The following SHROOM4 variants were observed in gnomAD, a reference collection of about 807,000 sequenced individuals.
The protein encoded by SHROOM4 is protein Shroom4.
Under a neutral mutation model 80.3 loss-of-function variants are expected in SHROOM4, and 17 were observed. The ratio of observed to expected loss-of-function variants is 0.21; its 90% CI spans 0.14 to 0.32. SHROOM4 has a LOEUF of 0.32. Among genes scored for constraint, SHROOM4 ranks in the 10% least tolerant of loss-of-function variants. SHROOM4 has a pLI of 1.00. For synonymous variants in SHROOM4, 400 were observed against 437.5 expected (o/e 0.91, Z 1.07); for missense variants, 993 against 1,140.3 (o/e 0.87, Z 1.86).
intron 2 of SHROOM4, among the ~76,000 whole-genome samples, chrX:50,656,639 T>C (rs1210045532): frequency 7.2e-5 from 8 of 111,515 alleles, no homozygotes; most frequent in African/African-American, 2.6e-4. Context: ...TACCATACTG[T>C]TTTGATTACT....
rs1363102006 is a variant in SHROOM4, at chrX:50,592,046, T to A, written c.*4649A>T. Reference sequence around the variant, plus strand: ...CTGTTTTCTTAATAACATTTTCGGATTGTTCATTTGATCTTGTGTTTTAAC... The same window carrying A: ...CTGTTTTCTTAATAACATTTTCGGAATGTTCATTTGATCTTGTGTTTTAAC... On this transcript the variant is annotated 3_prime_UTR_variant, in exon 9 of 9. Coordinates refer to ENST00000376020, the MANE Select transcript of SHROOM4 (RefSeq NM_020717.5). The A allele has an allele frequency of 6.1e-6, 2 of 329,530 alleles. No homozygotes were observed. The highest frequency in any genetic ancestry group is 1.2e-5 in the Non-Finnish European group (2 of 170,046). 27.2% of individuals were successfully genotyped at this position (329,530 alleles called of 1,213,427 possible). A position where few individuals can be genotyped will look rare whatever the true frequency, so the allele number is the denominator to read the frequency against.
intron 4 of SHROOM4, among the ~76,000 whole-genome samples, chrX:50,629,575 C>A (rs1263851836): frequency 8.0e-5 from 9 of 112,069 alleles, no homozygotes; most frequent in Non-Finnish European, 1.7e-4. Flanking sequence ...TAGTTACTGT[C>A]ATGTTATTCA....
At chrX:50,703,431 C>T (rs1270972904) in intron 1 of SHROOM4, among the ~76,000 whole-genome samples, 1 of 111,848 alleles carries the variant, frequency 8.9e-6, no homozygotes, top group East Asian at 2.8e-4. Flanking sequence ...AGCTGAACTT[C>T]ATCAGGCTGT....
intron 2 of SHROOM4, among the ~76,000 whole-genome samples, chrX:50,644,780 T>C (rs1429990474): frequency 1.8e-5 from 2 of 111,772 alleles, no homozygotes; most frequent in African/African-American, 6.5e-5. Context: ...TTTTATCAAC[T>C]GTATAGGGGA....
chrX:50,715,790 C>T (rs1234090359), intron 1 of SHROOM4, among the ~76,000 whole-genome samples: 2 of 108,397 alleles, frequency 1.8e-5, no homozygotes, highest in Non-Finnish European at 3.8e-5. Context: ...TTATGAAAAA[C>T]GGTATCAAGG....
chrX:50,592,952 C>CTAAA lies in SHROOM4; in HGVS notation c.*3739_*3742dup, dbSNP rs1343833016. 8.9e-6 allele frequency: 1 copy of CTAAA among 111,905 alleles called. No homozygotes were observed. The highest frequency in any genetic ancestry group is 3.3e-5 in the African/African-American group (1 of 30,722). The allele number at this position is 111,905 out of a possible 1,213,427, so 9.2% of individuals were successfully genotyped here. A position where few individuals can be genotyped will look rare whatever the true frequency, so the allele number is the denominator to read the frequency against. Reference sequence around the variant, plus strand: ...AGAGAGGAAGAAATATATCAGTGAGCTAAAGGGCAGGGCTGTGATCCTGAG... The same window carrying CTAAA: ...AGAGAGGAAGAAATATATCAGTGAGCTAAATAAAGGGCAGGGCTGTGATCCTGAG... On this transcript the variant is annotated 3_prime_UTR_variant, in exon 9 of 9. Coordinates refer to ENST00000376020, the MANE Select transcript of SHROOM4 (RefSeq NM_020717.5).
At chrX:50,654,864 G>A (rs1932244528) in intron 2 of SHROOM4, among the ~76,000 whole-genome samples, 1 of 107,137 alleles carries the variant, frequency 9.3e-6, no homozygotes, top group Non-Finnish European at 1.9e-5. Context: ...TCTGAAGTTT[G>A]GGGTATGAAT....
At chrX:50,650,486 G>A (rs1157378397) in intron 2 of SHROOM4, among the ~76,000 whole-genome samples, 1 of 110,711 alleles carries the variant, frequency 9.0e-6, no homozygotes, top group Non-Finnish European at 1.9e-5. Flanking sequence ...GAGTAGCCGG[G>A]ACTGCAGGCA....
chrX:50,814,019 C>T lies in SHROOM4; in HGVS notation c.-1G>A, dbSNP rs782466369. 7.5e-6 allele frequency: 9 copies of T among 1,194,135 alleles called. No homozygotes were observed. The highest frequency in any genetic ancestry group is 6.0e-5 in the East Asian group (2 of 33,548). ...GGAAGGACCCAGGCCGGTTCTCCAT[C>T]CTCGGCTGGGCTCAGGCGCCGCCGG... On this transcript the variant is annotated 5_prime_UTR_variant, in exon 1 of 9. Transcript: ENST00000376020.
At chrX:50,659,326 G>A (rs1364961140) in intron 2 of SHROOM4, among the ~76,000 whole-genome samples, 1 of 111,525 alleles carries the variant, frequency 9.0e-6, no homozygotes, top group African/African-American at 3.3e-5. Flanking sequence ...GATGTATAAT[G>A]CAGGGATAGA....
At chrX:50,631,715 C>A (rs1931077185) in intron 4 of SHROOM4, among the ~76,000 whole-genome samples, 1 of 111,975 alleles carries the variant, frequency 8.9e-6, no homozygotes, top group South Asian at 3.7e-4. Context: ...TTTCTATAGA[C>A]TAGTAATCAA....
chrX:50,723,393 GGAGA>G (rs782457909), intron 1 of SHROOM4, among the ~76,000 whole-genome samples: 1 of 54,481 alleles, frequency 1.8e-5, no homozygotes, highest in African/African-American at 6.6e-5. Flanking sequence ...AGCAAGGGAG[GGAGA>G]GAGAGAGAGA....
In SHROOM4 at chrX:50,608,932, C is replaced by T. The variant is rs367572772; in HGVS notation, c.2958-748G>A. On this transcript the variant is annotated intron_variant, in intron 5 of 8. Coordinates refer to ENST00000376020, the MANE Select transcript of SHROOM4 (RefSeq NM_020717.5). ...TATACTTGTAACAAAAAACACCACA[C>T]AGGTCATTCATAGTTATCTGCTATT... 4.5e-5 allele frequency among the ~76,000 whole-genome samples: 5 copies of T among 111,787 alleles called. No homozygotes were observed. In the East Asian group the frequency reaches 1.1e-3, roughly 25 times the overall value.
At chrX:50,683,982 C>T (rs1270221290) in intron 2 of SHROOM4, among the ~76,000 whole-genome samples, 1 of 111,120 alleles carries the variant, frequency 9.0e-6, no homozygotes, top group Non-Finnish European at 1.9e-5. Flanking sequence ...CAAAGAAAAA[C>T]CAGGGGAAGC....
At chrX:50,626,155 AC>A (rs1930793515) in intron 5 of SHROOM4, among the ~76,000 whole-genome samples, 1 of 111,482 alleles carries the variant, frequency 9.0e-6, no homozygotes, top group South Asian at 3.8e-4. Context: ...CTGGCTTTGT[AC>A]CCAGGCAGAA....
intron 1 of SHROOM4, among the ~76,000 whole-genome samples, chrX:50,758,584 T>C (rs1170284470): frequency 1.8e-5 from 2 of 112,379 alleles, no homozygotes; most frequent in Non-Finnish European, 3.8e-5. Flanking sequence ...TGGCGTATAA[T>C]TATTTTTACA....
chrX:50,594,471 G>A lies in SHROOM4; in HGVS notation c.*2224C>T, dbSNP rs1929010649. 1 of 111,760 alleles carries A rather than the reference G, an allele frequency of 8.9e-6. No homozygotes were observed. Among genetic ancestry groups the A allele is most frequent in the Non-Finnish European group, 1.9e-5 (1 of 53,175 alleles). The allele number at this position is 111,760 out of a possible 1,213,427, so 9.2% of individuals were successfully genotyped here. The stretch of plus-strand genomic sequence containing the variant: ...AAATAACAGAGTTAATAGTATTTTT[G>A]GTGTCATAAACTTAAGGTACAACCA... On this transcript the variant is annotated 3_prime_UTR_variant, in exon 9 of 9. Transcript: ENST00000376020.
At chrX:50,805,195 ACT>A (rs1936202925) in intron 1 of SHROOM4, among the ~76,000 whole-genome samples, 1 of 111,177 alleles carries the variant, frequency 9.0e-6, no homozygotes. Context: ...CAGCCATAAG[ACT>A]CTAACTCCTT....
At chrX:50,715,947 G>C (rs888321095) in intron 1 of SHROOM4, among the ~76,000 whole-genome samples, 14 of 109,531 alleles carry the variant, frequency 1.3e-4, no homozygotes, top group African/African-American at 4.3e-4. Context: ...CAATAGCCAA[G>C]ATACTAAATG....
Sources: gnomAD v4.1 joint callset for allele counts (sites outside exome capture counted in the v4.1 genomes callset) on GRCh38, gnomAD v4.1.1 for gene constraint, MANE v1.5 for transcripts, NCBI Gene and HGNC (gene_info 2026-07-23, HGNC 2026-07-21) for gene names.